Variants in NLGN1 observed in about 807,000 individuals in gnomAD.
The protein encoded by NLGN1 is neuroligin-1.
NLGN1 carries 12 observed loss-of-function variants against 65.5 expected under a neutral mutation model. The observed-to-expected ratio is 0.18, with a 90% CI of 0.12 to 0.30. NLGN1 has a LOEUF of 0.30. Among genes scored for constraint, NLGN1 ranks in the 10% least tolerant of loss-of-function variants. The pLI is 1.00. For synonymous variants in NLGN1, 350 were observed against 359.5 expected (o/e 0.97, Z 0.30); for missense variants, 750 against 1,007.1 (o/e 0.74, Z 3.46).
At chr3:174,285,055 C>T (rs561073524) in exon 7 of NLGN1, 1 of 151,358 alleles carries the variant, frequency 6.6e-6, no homozygotes, top group Non-Finnish European at 1.5e-5. Context: ...TTGCCACACT[C>T]ATCCTGACAT....
Position 174,268,131 on chromosome 3 carries a change from G to A in NLGN1, c.647-7184G>A, listed in dbSNP as rs1190158342. 2.6e-5 allele frequency among the ~76,000 whole-genome samples: 4 copies of A among 152,148 alleles called. No individual in the cohort carries two copies. The East Asian group carries it at 5.8e-4, about 22-fold the overall frequency. On this transcript the variant is annotated intron_variant, in intron 4 of 6. Transcript: ENST00000457714. ...AATGTCATGCTTCGAAGTGCACTAT[G>A]TCTTTAAATCACAAGACATATTCCC... is the stretch of plus-strand genomic sequence containing the variant.
intron 4 of NLGN1, among the ~76,000 whole-genome samples, chr3:173,960,233 G>GT (rs1337476350): frequency 2.0e-5 from 3 of 151,604 alleles, no homozygotes; most frequent in Non-Finnish European, 4.4e-5. Context: ...TGCTTTTCTT[G>GT]TTTTGTGTTT....
intron 3 of NLGN1, among the ~76,000 whole-genome samples, chr3:173,695,803 T>G (rs534699537): frequency 1.2e-4 from 19 of 152,152 alleles, no homozygotes; most frequent in Admixed American, 2.6e-4. Flanking sequence ...AATACTCATA[T>G]CATGGAATGT....
At chr3:173,604,902 T>C (rs768630828) in exon 3 of NLGN1, 1 of 1,613,568 alleles carries the variant, frequency 6.2e-7, no homozygotes, top group Non-Finnish European at 8.5e-7. Context: ...AGAACCACCA[T>C]CTCCCTGGTC....
At chr3:174,160,704 A>G (rs1378050922) in intron 4 of NLGN1, among the ~76,000 whole-genome samples, 1 of 150,732 alleles carries the variant, frequency 6.6e-6, no homozygotes, top group African/African-American at 2.4e-5. Context: ...ATAATTGTAT[A>G]TTTTCTATTA....
At chr3:173,430,115 T>C (rs1716919491) in intron 1 of NLGN1, among the ~76,000 whole-genome samples, 1 of 152,200 alleles carries the variant, frequency 6.6e-6, no homozygotes, top group Admixed American at 6.5e-5. Flanking sequence ...GATCTCACTT[T>C]TTCCAGGGTA....
chr3:173,426,872 A>G (rs186186660), intron 1 of NLGN1, among the ~76,000 whole-genome samples: 2 of 152,064 alleles, frequency 1.3e-5, no homozygotes, highest in Admixed American at 6.6e-5. Context: ...TTCCTCTTCA[A>G]ATTTTTTGGA....
intron 3 of NLGN1, among the ~76,000 whole-genome samples, chr3:173,689,707 C>T (rs555840534): frequency 5.3e-5 from 8 of 152,150 alleles, no homozygotes; most frequent in Non-Finnish European, 1.0e-4. Context: ...TTCATTCTAT[C>T]TGTAACGAAT....
intron 2 of NLGN1, among the ~76,000 whole-genome samples, chr3:173,520,019 C>A (rs1197817836): frequency 6.6e-6 from 1 of 152,244 alleles, no homozygotes; most frequent in Middle Eastern, 3.4e-3. Flanking sequence ...GTGCTGTTCT[C>A]GTGATACTGA....
intron 2 of NLGN1, among the ~76,000 whole-genome samples, chr3:173,499,717 C>T (rs1730690416): frequency 6.6e-6 from 1 of 151,778 alleles, no homozygotes; most frequent in African/African-American, 2.4e-5. Context: ...TGTTTGTATC[C>T]TCTTTTATTT....
chr3:173,742,699 A>G (rs1309045822), intron 3 of NLGN1, among the ~76,000 whole-genome samples: 2 of 152,092 alleles, frequency 1.3e-5, no homozygotes. Context: ...TTCCCCTGAG[A>G]GTTCAGTCTA....
chr3:173,517,081 C>T (rs1368055371), intron 2 of NLGN1, among the ~76,000 whole-genome samples: 1 of 152,014 alleles, frequency 6.6e-6, no homozygotes, highest in African/African-American at 2.4e-5. Flanking sequence ...CCTCATCAGT[C>T]ATTTGTTATG....
chr3:174,203,871 C>T (rs1281393219), intron 4 of NLGN1, among the ~76,000 whole-genome samples: 1 of 152,060 alleles, frequency 6.6e-6, no homozygotes, highest in Non-Finnish European at 1.5e-5. Context: ...TCCATAGCAA[C>T]ACAGACACAA....
At chr3:174,064,107 T>A (rs1386918270) in intron 4 of NLGN1, among the ~76,000 whole-genome samples, 1 of 151,464 alleles carries the variant, frequency 6.6e-6, no homozygotes, top group African/African-American at 2.4e-5. Context: ...GTGCCATTGC[T>A]CTCCAGCCTG....
At chr3:174,117,690 A>G (rs1426266428) in intron 4 of NLGN1, among the ~76,000 whole-genome samples, 1 of 152,082 alleles carries the variant, frequency 6.6e-6, no homozygotes, top group Admixed American at 6.6e-5. Context: ...GAGAGTGGCA[A>G]GAGGTCCATG....
At chr3:174,259,499 A>T (rs535462666) in intron 4 of NLGN1, among the ~76,000 whole-genome samples, 6 of 151,950 alleles carry the variant, frequency 3.9e-5, no homozygotes, top group Non-Finnish European at 7.4e-5. Context: ...ATTAGCAATT[A>T]AAAAAAATCT....
chr3:173,532,764 G>T (rs968955829), intron 2 of NLGN1, among the ~76,000 whole-genome samples: 1 of 152,076 alleles, frequency 6.6e-6, no homozygotes, highest in African/African-American at 2.4e-5. Context: ...GTTGGTATAG[G>T]TTATGCCACA....
intron 4 of NLGN1, among the ~76,000 whole-genome samples, chr3:174,078,830 A>G (rs1367590024): frequency 6.6e-6 from 1 of 152,158 alleles, no homozygotes; most frequent in Non-Finnish European, 1.5e-5. Flanking sequence ...GAGAAACTTT[A>G]TTTCAGTCAT....
intron 3 of NLGN1, among the ~76,000 whole-genome samples, chr3:173,657,169 C>T (rs115961354): frequency 0.013 from 2,029 of 152,068 alleles, 33 homozygotes; most frequent in Middle Eastern, 0.027. Context: ...ATTTCACTCA[C>T]TACGGTATCT....
Sources: allele counts gnomAD v4.1 joint callset (sites outside exome capture counted in the v4.1 genomes callset), GRCh38; gene constraint gnomAD v4.1.1; transcripts MANE v1.5; gene names NCBI Gene and HGNC (gene_info 2026-07-23, HGNC 2026-07-21).